The following FBXW7 variants were observed in gnomAD, a reference collection of about 807,000 sequenced individuals.
The protein encoded by FBXW7 is F-box/WD repeat-containing protein 7.
In FBXW7, 11 loss-of-function variants were observed where a neutral mutation model predicts 86.3. The observed-to-expected ratio is 0.13, with a 90% confidence interval of 0.08 to 0.21. The LOEUF (loss-of-function observed/expected upper bound fraction) is 0.21, where lower values mean the gene tolerates loss of function less well. Among genes scored for constraint, FBXW7 ranks in the 10% least tolerant of loss-of-function variants. The probability of loss-of-function intolerance (pLI) is 1.00; values close to 1 mark genes in which losing one functional copy is unlikely to be tolerated. For missense variants in FBXW7, 488 were observed against 847.4 expected, an observed-to-expected ratio of 0.58 and a Z score of 5.27; for synonymous variants, 313 against 297.9, an observed-to-expected ratio of 1.05 and a Z score of -0.52.
intron 2 of FBXW7, among the ~76,000 whole-genome samples, chr4:152,434,023 T>A (rs903267102): frequency 6.6e-6 from 1 of 152,126 alleles, no homozygotes; most frequent in Non-Finnish European, 1.5e-5. Context: ...GCTCTCCATA[T>A]CCACATATCA....
Position 152,535,998 on chromosome 4 carries a change from A to AGCGGCGGCGGCG in FBXW7, c.-1096_-1085dup, listed in dbSNP as rs200183394. The stretch of plus-strand genomic sequence containing the variant: ...CGGATGCTCCTTCGCTCTCAGTCTC[A>AGCGGCGGCGGCG]GCGGCGGCGGCGGCGGCAGCGGCAG... On this transcript the variant is annotated 5_prime_UTR_variant, in exon 1 of 14. Transcript: ENST00000281708. The AGCGGCGGCGGCG allele has an allele frequency of 2.5e-5, 6 of 239,394 alleles. No individual in the cohort carries two copies. Among genetic ancestry groups the AGCGGCGGCGGCG allele is most frequent in the Admixed American group, 5.8e-5 (1 of 17,308 alleles). The allele number at this position is 239,394 out of a possible 1,614,324, so 14.8% of individuals were successfully genotyped here.
chr4:152,533,566 G>A (rs1185120198), intron 2 of FBXW7, among the ~76,000 whole-genome samples: 11 of 152,138 alleles, frequency 7.2e-5, no homozygotes, highest in Admixed American at 7.2e-4. Context: ...AGGGAAAAGT[G>A]GTCAAATGAA....
chr4:152,408,523 T>C (rs1056934584), intron 4 of FBXW7, among the ~76,000 whole-genome samples: 9 of 152,222 alleles, frequency 5.9e-5, no homozygotes, highest in African/African-American at 2.2e-4. Context: ...GCGTCATTTG[T>C]TCCTGATTAC....
At chr4:152,340,280 A>G (rs1730586694) in intron 6 of FBXW7, among the ~76,000 whole-genome samples, 5 of 152,162 alleles carry the variant, frequency 3.3e-5, no homozygotes. Context: ...TCTTATTAAA[A>G]AGTATACCAC....
intron 2 of FBXW7, among the ~76,000 whole-genome samples, chr4:152,442,383 C>T (rs1483999180): frequency 1.3e-5 from 2 of 152,196 alleles, no homozygotes; most frequent in Non-Finnish European, 2.9e-5. Flanking sequence ...TCCAAGATGG[C>T]TTCCCAAGTA....
At chr4:152,444,326 T>TA (rs1424223398) in intron 2 of FBXW7, among the ~76,000 whole-genome samples, 3 of 151,756 alleles carry the variant, frequency 2.0e-5, no homozygotes, top group Non-Finnish European at 2.9e-5. Context: ...CAAATGGATA[T>TA]AAAAAACAAA....
chr4:152,471,216 C>CTA (rs981986483), intron 2 of FBXW7, among the ~76,000 whole-genome samples: 9 of 151,246 alleles, frequency 6.0e-5, no homozygotes, highest in Admixed American at 4.0e-4. Context: ...TATTAGAGAC[C>CTA]TATATATATA....
At chr4:152,524,718 C>T (rs1181219482) in intron 2 of FBXW7, among the ~76,000 whole-genome samples, 1 of 152,068 alleles carries the variant, frequency 6.6e-6, no homozygotes, top group African/African-American at 2.4e-5. Flanking sequence ...CACCTCTGTA[C>T]AACCCCACTC....
intron 2 of FBXW7, among the ~76,000 whole-genome samples, chr4:152,466,352 T>C (rs1220057912): frequency 6.6e-6 from 1 of 151,410 alleles, no homozygotes; most frequent in Non-Finnish European, 1.5e-5. Flanking sequence ...GTCAGGAGTT[T>C]GAGACCAGCC....
chr4:152,373,684 G>C (rs1734213458), intron 4 of FBXW7, among the ~76,000 whole-genome samples: 1 of 152,104 alleles, frequency 6.6e-6, no homozygotes, highest in East Asian at 1.9e-4. Flanking sequence ...AGCCCTTCCT[G>C]AACCACTCAT....
At chr4:152,529,828 C>A (rs1167696135) in intron 2 of FBXW7, among the ~76,000 whole-genome samples, 2 of 151,976 alleles carry the variant, frequency 1.3e-5, no homozygotes, top group African/African-American at 4.8e-5. Context: ...CTAAAACACA[C>A]ACACATATAC....
chr4:152,457,364 C>T (rs112832357), intron 2 of FBXW7, among the ~76,000 whole-genome samples: 1,862 of 152,182 alleles, frequency 0.012, 42 homozygotes, highest in African/African-American at 0.041. Flanking sequence ...CTCAATAGGC[C>T]GGGTGCAGTG....
At chr4:152,366,359 A>G (rs181250126) in intron 4 of FBXW7, among the ~76,000 whole-genome samples, 39 of 152,266 alleles carry the variant, frequency 2.6e-4, no homozygotes, top group Admixed American at 3.3e-4. Context: ...AACTTTCACT[A>G]TTAAAAGGAA....
intron 2 of FBXW7, among the ~76,000 whole-genome samples, chr4:152,446,625 G>A (rs1422419397): frequency 6.6e-6 from 1 of 152,174 alleles, no homozygotes; most frequent in Admixed American, 6.5e-5. Flanking sequence ...GCTCCACTGA[G>A]GCTAGAACTT....
At chr4:152,334,854 A>G (rs773979967) in intron 7 of FBXW7, among the ~76,000 whole-genome samples, 10 of 152,242 alleles carry the variant, frequency 6.6e-5, no homozygotes, top group Non-Finnish European at 1.0e-4. Context: ...ATGTTTGCCT[A>G]TTTACATCTA....
chr4:152,382,457 C>G (rs1264285321), intron 4 of FBXW7: 1 of 1,227,386 alleles, frequency 8.1e-7, no homozygotes, highest in African/African-American at 1.6e-5. Context: ...GCTGAGAACC[C>G]AAGGCCTGCT....
intron 2 of FBXW7, among the ~76,000 whole-genome samples, chr4:152,459,704 A>G (rs1742767127): frequency 6.6e-6 from 1 of 152,228 alleles, no homozygotes; most frequent in Non-Finnish European, 1.5e-5. Context: ...GTCTTTTCCT[A>G]TACATATATA....
chr4:152,465,860 A>C (rs572159537), intron 2 of FBXW7, among the ~76,000 whole-genome samples: 3 of 151,032 alleles, frequency 2.0e-5, no homozygotes, highest in Non-Finnish European at 4.4e-5. Flanking sequence ...AAAAAAAAAA[A>C]AGAGAACAAT....
At chr4:152,337,688 T>TA in intron 7 of FBXW7, 114 bp downstream of exon 7, 1 of 1,073,890 alleles carries the variant, frequency 9.3e-7, no homozygotes, top group Non-Finnish European at 1.3e-6. Flanking sequence ...TAATTAAGAG[T>TA]GTCAAACTGA....
Sources: allele counts gnomAD v4.1 joint callset (sites outside exome capture counted in the v4.1 genomes callset), GRCh38; gene constraint gnomAD v4.1.1; transcripts MANE v1.5; gene names NCBI Gene and HGNC (gene_info 2026-07-23, HGNC 2026-07-21).